GLRX5: variants seen among roughly 807,000 people sequenced by gnomAD.
GLRX5 encodes glutaredoxin-related protein 5, mitochondrial.
Under a neutral mutation model 13.8 loss-of-function variants are expected in GLRX5, and 10 were observed. That is an observed-to-expected ratio of 0.72 (90% CI 0.45 to 1.23). The LOEUF (loss-of-function observed/expected upper bound fraction) is 1.23, where lower values mean the gene tolerates loss of function less well. Among genes scored for constraint, GLRX5 ranks in the 50% most tolerant of loss-of-function variants. GLRX5 has a pLI of 0.00. For missense variants in GLRX5, 233 were observed against 215.2 expected (o/e 1.08, Z -0.52); for synonymous variants, 98 against 101.1 (o/e 0.97, Z 0.18).
Position 95,535,143 on chromosome 14 carries a change from C to A in GLRX5, c.54C>A (p.Gly18=). Residue 18 remains glycine, a synonymous_variant, in exon 1 of 2, where the codon GGC becomes GGA. Coordinates refer to ENST00000331334, the MANE Select transcript of GLRX5 (RefSeq NM_016417.3). ...AAAALLRWGR[G]AGGGGLWGPG... ...CGGCTCTGCTCCGCTGGGGGCGCGG[C>A]GCGGGCGGCGGTGGCCTTTGGGGTC... is the stretch of plus-strand genomic sequence containing the variant. The A allele has an allele frequency of 8.1e-7, 1 of 1,241,586 alleles. No homozygotes were observed. The highest frequency in any genetic ancestry group is 1.0e-6 in the Non-Finnish European group (1 of 988,824). 76.9% of individuals were successfully genotyped at this position (1,241,586 alleles called of 1,614,324 possible). A position where few individuals can be genotyped will look rare whatever the true frequency, so the allele number is the denominator to read the frequency against.
chr14:95,542,311 T>C (rs8020539), intron 1 of GLRX5, among the ~76,000 whole-genome samples: 3,222 of 152,336 alleles, frequency 0.021, 115 homozygotes, highest in African/African-American at 0.072. Flanking sequence ...TTACCCTTTA[T>C]TGGCAGCTGC....
At chr14:95,535,629 G>T (rs1213352869) in intron 1 of GLRX5, among the ~76,000 whole-genome samples, 1 of 152,234 alleles carries the variant, frequency 6.6e-6, no homozygotes, top group Non-Finnish European at 1.5e-5. Flanking sequence ...TGAGCAGTAG[G>T]TAAAGTCCTA....
intron 1 of GLRX5, among the ~76,000 whole-genome samples, chr14:95,538,634 C>T (rs1891421221): frequency 6.6e-6 from 1 of 152,098 alleles, no homozygotes; most frequent in Non-Finnish European, 1.5e-5. Context: ...GTGAACAGAG[C>T]CTAAGACCCA....
chr14:95,535,109 G>T lies in GLRX5; in HGVS notation c.20G>T (p.Arg7Leu). 1 of 1,312,492 alleles carries T rather than the reference G, an allele frequency of 7.6e-7. No homozygotes were observed. The allele number at this position is 1,312,492 out of a possible 1,614,324, so 81.3% of individuals were successfully genotyped here. The change falls in exon 1 of 2, where the codon CGA becomes CTA. Residue 7 changes from arginine to leucine, a missense_variant. Coordinates refer to ENST00000331334, the MANE Select transcript of GLRX5 (RefSeq NM_016417.3). Reference protein sequence around the residue: MSGSLGRAAAALLRWGR... With the variant: MSGSLGLAAAALLRWGR... ...GCGGAGATGAGCGGGTCCCTCGGCC[G>T]AGCTGCGGCGGCTCTGCTCCGCTGG...
intron 1 of GLRX5, among the ~76,000 whole-genome samples, chr14:95,539,923 C>T (rs1176737266): frequency 1.3e-5 from 2 of 149,246 alleles, no homozygotes; most frequent in Non-Finnish European, 1.5e-5. Flanking sequence ...GAGAGTGTTA[C>T]TCTGCTGCCT....
chr14:95,535,504 T>A, intron 1 of GLRX5, 120 bp downstream of exon 1: 1 of 1,005,466 alleles, frequency 9.9e-7, no homozygotes, highest in Non-Finnish European at 1.5e-6. Flanking sequence ...GGGGTCTGTC[T>A]GAAGGTTCGA....
chr14:95,535,078 T>G lies in GLRX5; in HGVS notation c.-12T>G, dbSNP rs1595279866. On this transcript the variant is annotated 5_prime_UTR_variant, in exon 1 of 2. Transcript: ENST00000331334. ...GGCCCGGGCCGTCGTGGGCTCCGGC[T>G]TGCGTGCGGAGATGAGCGGGTCCCT... 1 of 1,335,134 alleles carries G rather than the reference T, an allele frequency of 7.5e-7. No individual in the cohort carries two copies. Among genetic ancestry groups the G allele is most frequent in the East Asian group, 4.0e-5 (1 of 24,986 alleles). 82.7% of individuals were successfully genotyped at this position (1,335,134 alleles called of 1,614,324 possible). A position where few individuals can be genotyped will look rare whatever the true frequency, so the allele number is the denominator to read the frequency against.
intron 1 of GLRX5, among the ~76,000 whole-genome samples, chr14:95,540,349 A>G (rs1367734889): frequency 1.3e-5 from 2 of 152,218 alleles, no homozygotes; most frequent in Admixed American, 1.3e-4. Context: ...ACCTGGTACT[A>G]TGCTGGGAGC....
chr14:95,537,295 C>T (rs1262474614), intron 1 of GLRX5, among the ~76,000 whole-genome samples: 1 of 152,146 alleles, frequency 6.6e-6, no homozygotes, highest in Non-Finnish European at 1.5e-5. Flanking sequence ...CTTTTATCCA[C>T]GTCTGGTGTC....
At chr14:95,538,685 TGC>T (rs1346052136) in intron 1 of GLRX5, among the ~76,000 whole-genome samples, 17 of 152,330 alleles carry the variant, frequency 1.1e-4, no homozygotes, top group African/African-American at 3.8e-4. Context: ...GAGGGGGATC[TGC>T]AAACTTACCC....
rs1300684911 is a variant in GLRX5 at position 95,539,133 on chromosome 14, G to A, written c.295+3749G>A. On this transcript the variant is annotated intron_variant, in intron 1 of 1. Transcript: ENST00000331334. ...GGAATCTAGGTTGTGCGTTCCTTACGAGAATGTAACTAATGCCTGATGATG... is the reference window on the plus strand; with the variant it reads ...GGAATCTAGGTTGTGCGTTCCTTACAAGAATGTAACTAATGCCTGATGATG... Among the ~76,000 whole-genome samples the A allele has an allele frequency of 3.3e-5, 5 of 152,226 alleles. No homozygotes were observed. The South Asian group carries it at 1.0e-3, about 32-fold the overall frequency.
chr14:95,540,014 C>G (rs368223378), intron 1 of GLRX5, among the ~76,000 whole-genome samples: 1 of 152,020 alleles, frequency 6.6e-6, no homozygotes, highest in African/African-American at 2.4e-5. Context: ...CTCAGCCTCC[C>G]AAGGAGCTGG....
intron 1 of GLRX5, among the ~76,000 whole-genome samples, chr14:95,535,917 G>A (rs1186105258): frequency 6.6e-6 from 1 of 152,172 alleles, no homozygotes; most frequent in Non-Finnish European, 1.5e-5. Context: ...CTTGGCTCAC[G>A]GCTCAGGGTG....
chr14:95,538,139 A>G (rs1029379149), intron 1 of GLRX5, among the ~76,000 whole-genome samples: 4 of 152,090 alleles, frequency 2.6e-5, no homozygotes, highest in African/African-American at 9.7e-5. Context: ...TTGTCTATAC[A>G]TAGTATTTTG....
intron 1 of GLRX5, among the ~76,000 whole-genome samples, chr14:95,540,569 TCTA>T (rs1218711216): frequency 6.6e-6 from 1 of 152,158 alleles, no homozygotes; most frequent in African/African-American, 2.4e-5. Flanking sequence ...CTAGTGAGGG[TCTA>T]CTGATTTCCG....
intron 1 of GLRX5, 121 bp from the exon 2 acceptor site, chr14:95,543,826 T>C (rs1214663760): frequency 1.2e-6 from 1 of 837,350 alleles, no homozygotes; most frequent in Non-Finnish European, 2.1e-6. Context: ...GTTCTCAAGA[T>C]TGGGGGAAGC....
intron 1 of GLRX5, 77 bp downstream of exon 1, chr14:95,535,461 C>A: frequency 7.2e-7 from 1 of 1,390,498 alleles, no homozygotes; most frequent in South Asian, 1.3e-5. Flanking sequence ...GGGGTTCCGC[C>A]GCGCCGGGCT....
chr14:95,535,056 C>T lies in GLRX5; in HGVS notation c.-34C>T. On this transcript the variant is annotated 5_prime_UTR_variant, in exon 1 of 2. Coordinates refer to ENST00000331334, the MANE Select transcript of GLRX5 (RefSeq NM_016417.3). ...GCGCTCTGGGTGGCCAGCTGTGGGC[C>T]CGGGCCGTCGTGGGCTCCGGCTTGC... The T allele has an allele frequency of 1.7e-5, 22 of 1,324,328 alleles. No individual in the cohort carries two copies. The highest frequency in any genetic ancestry group is 4.0e-5 in the East Asian group (1 of 25,092). 82.0% of individuals were successfully genotyped at this position (1,324,328 alleles called of 1,614,324 possible).
chr14:95,539,180 C>T (rs1595282486), intron 1 of GLRX5, among the ~76,000 whole-genome samples: 2 of 152,178 alleles, frequency 1.3e-5, no homozygotes, highest in South Asian at 4.1e-4. Flanking sequence ...CGTTTCATCC[C>T]GAAGCTATCC....
Sources: allele counts gnomAD v4.1 joint callset (sites outside exome capture counted in the v4.1 genomes callset), GRCh38; gene constraint gnomAD v4.1.1; transcripts MANE v1.5; gene names NCBI Gene and HGNC (gene_info 2026-07-23, HGNC 2026-07-21).